Variants in ZFPM1 observed in about 807,000 individuals in gnomAD.
ZFPM1 encodes zinc finger protein, FOG family member 1, also known as zinc finger protein ZFPM1.
A neutral mutation model predicts 46.3 loss-of-function variants in ZFPM1; 28 were observed. The observed-to-expected ratio is 0.60, with a 90% CI of 0.45 to 0.83. The LOEUF is 0.83. Among genes scored for constraint, ZFPM1 ranks in the 40% least tolerant of loss-of-function variants. The probability of loss-of-function intolerance (pLI) is 0.00; values close to 1 mark genes in which losing one functional copy is unlikely to be tolerated. For synonymous variants in ZFPM1, 957 were observed against 675.9 expected (o/e 1.42, Z -6.45); for missense variants, 1,878 against 1,432.4 (o/e 1.31, Z -5.02).
intron 3 of ZFPM1, among the ~76,000 whole-genome samples, chr16:88,494,904 G>A (rs1909848703): frequency 6.6e-6 from 1 of 152,206 alleles, no homozygotes; most frequent in South Asian, 2.1e-4. Context: ...CGAAGGGAAG[G>A]ATGGGCGGCA....
Position 88,514,409 on chromosome 16 carries a change from G to T in ZFPM1, c.291G>T (p.Gln97His). The T allele has an allele frequency of 6.4e-7, 1 of 1,564,132 alleles. No individual in the cohort carries two copies. The highest frequency in any genetic ancestry group is 8.7e-7 in the Non-Finnish European group (1 of 1,154,832). The change falls in exon 4 of 10, where the codon CAG becomes CAT. Residue 97 changes from glutamine (Q) to histidine (H), a missense_variant. Coordinates refer to ENST00000319555, the MANE Select transcript of ZFPM1 (RefSeq NM_153813.3). ...SGPDELEPVV[Q>H]DGQRRIRARL... is the part of the protein sequence containing the mutation. ...CAGACGAGCTGGAGCCGGTGGTGCA[G>T]GATGGGCAGAGGCGCATACGGGCCC...
intron 1 of ZFPM1, among the ~76,000 whole-genome samples, chr16:88,461,214 CGGGAGGCCTGGTG>C (rs1907864000): frequency 2.2e-5 from 1 of 46,494 alleles, no homozygotes; most frequent in Non-Finnish European, 3.9e-5. Flanking sequence ...GACCCAGGGG[CGGGAGGCCTGGTG>C]AGGACCCAGG....
At chr16:88,524,130 G>GC (rs1567551955) in intron 4 of ZFPM1, among the ~76,000 whole-genome samples, 1 of 152,198 alleles carries the variant, frequency 6.6e-6, no homozygotes, top group Non-Finnish European at 1.5e-5. Context: ...TATCGTTACC[G>GC]CAGCACCCAT....
At chr16:88,532,492 A>G (rs1912868997) in intron 7 of ZFPM1, 122 bp from the exon 8 acceptor site, 2 of 1,061,366 alleles carry the variant, frequency 1.9e-6, no homozygotes, top group Non-Finnish European at 2.7e-6. Context: ...AGGGGTTTAA[A>G]GACCCTTCAG....
rs1361194114 is a variant in ZFPM1, at chr16:88,534,772, C to A, written c.2814C>A (p.Ala938=). Residue 938 remains alanine, a synonymous_variant, in exon 10 of 10, where the codon GCC becomes GCA. Transcript: ENST00000319555. ...CCGGCCCGCCCCCGTCCCCGGCCGCCGCGCCCGAGGCCGTGCCGCCCCCGC... is the reference window on the plus strand; with the variant it reads ...CCGGCCCGCCCCCGTCCCCGGCCGCAGCGCCCGAGGCCGTGCCGCCCCCGC... ...PPPGPPPSPA[A]APEAVPPPPA... 1.7e-6 allele frequency: 2 copies of A among 1,189,822 alleles called. No individual in the cohort carries two copies. Among genetic ancestry groups the A allele is most frequent in the Non-Finnish European group, 2.1e-6 (2 of 959,870 alleles). The allele number at this position is 1,189,822 out of a possible 1,614,324, so 73.7% of individuals were successfully genotyped here.
chr16:88,502,674 G>A (rs1910434369), intron 3 of ZFPM1, among the ~76,000 whole-genome samples: 1 of 152,238 alleles, frequency 6.6e-6, no homozygotes, highest in African/African-American at 2.4e-5. Flanking sequence ...GGCTGCCCCA[G>A]CGCCAGCAGC....
chr16:88,472,789 C>G (rs1399345676), intron 1 of ZFPM1, among the ~76,000 whole-genome samples: 1 of 152,270 alleles, frequency 6.6e-6, no homozygotes, highest in Non-Finnish European at 1.5e-5. Flanking sequence ...CCACGCCCTC[C>G]CGGCACAGGC....
At chr16:88,490,170 C>G (rs547405310) in intron 3 of ZFPM1, among the ~76,000 whole-genome samples, 1 of 152,210 alleles carries the variant, frequency 6.6e-6, no homozygotes, top group South Asian at 2.1e-4. Context: ...TCTCCTGCCT[C>G]AGCCTCCCGA....
chr16:88,506,589 G>A (rs1424422665), intron 3 of ZFPM1, among the ~76,000 whole-genome samples: 4 of 152,184 alleles, frequency 2.6e-5, no homozygotes, highest in Non-Finnish European at 5.9e-5. Flanking sequence ...CAGCTCTGAG[G>A]AGCAGAGCCA....
chr16:88,469,060 C>G lies in ZFPM1; in HGVS notation c.40+15382C>G, dbSNP rs930813378. 29 of 154,362 alleles carry G rather than the reference C, an allele frequency of 1.9e-4. No homozygotes were observed. The highest frequency in any genetic ancestry group is 6.7e-4 in the African/African-American group (28 of 41,652). 9.6% of individuals were successfully genotyped at this position (154,362 alleles called of 1,614,324 possible). The stretch of plus-strand genomic sequence containing the variant: ...CAGGAGTTCCCGAGAGGAGTGCAGC[C>G]AGCAGCCACTCCCAGATGGGAACAG... On this transcript the variant is annotated intron_variant, in intron 1 of 9. Coordinates refer to ENST00000319555, the MANE Select transcript of ZFPM1 (RefSeq NM_153813.3). This position sits in a 1 kb window ranked among gnomAD's most constrained non-coding sequence, Gnocchi z 4.3.
intron 9 of ZFPM1, 45 bp from the exon 10 acceptor site, chr16:88,533,103 G>A: frequency 2.1e-6 from 3 of 1,436,608 alleles, no homozygotes; most frequent in South Asian, 1.4e-5. Context: ...GACCGGCCAG[G>A]TCCTGCCCCA....
intron 1 of ZFPM1, among the ~76,000 whole-genome samples, chr16:88,466,585 G>A (rs1326475038): frequency 6.6e-6 from 1 of 152,330 alleles, no homozygotes; most frequent in East Asian, 1.9e-4. Flanking sequence ...GCCCATCCTG[G>A]CAGTGGGAGG....
rs1427144005 is a variant in ZFPM1, at chr16:88,480,892, C to T, written c.41-5047C>T. Among the ~76,000 whole-genome samples, 4 of 152,244 alleles carry T rather than the reference C, an allele frequency of 2.6e-5. No individual in the cohort carries two copies. Among genetic ancestry groups the T allele is most frequent in the Admixed American group, 6.5e-5 (1 of 15,280 alleles). On this transcript the variant is annotated intron_variant, in intron 1 of 9. Transcript: ENST00000319555. The surrounding 1 kb of genome is among the most constrained non-coding windows in gnomAD (Gnocchi z 4.9). Reference sequence around the variant, plus strand: ...CGTTCAAAGGAGCCCCCCAGCGCCTCGCCATCAAAGCCGGGAGGGGCCACC... The same window carrying T: ...CGTTCAAAGGAGCCCCCCAGCGCCTTGCCATCAAAGCCGGGAGGGGCCACC...
chr16:88,490,128 A>G (rs1005110103), intron 3 of ZFPM1, among the ~76,000 whole-genome samples: 1 of 149,994 alleles, frequency 6.7e-6, no homozygotes, highest in Non-Finnish European at 1.5e-5. Flanking sequence ...ATCTCGGCTC[A>G]CTGCAAGCTC....
chr16:88,526,729 TCA>T, intron 4 of ZFPM1, 83 bp from the exon 5 acceptor site: 1 of 1,436,636 alleles, frequency 7.0e-7, no homozygotes, highest in Non-Finnish European at 9.5e-7. Flanking sequence ...CAGATCCGTG[TCA>T]CAGATGCCCC....
At position 88,534,829 on chromosome 16, in the gene ZFPM1, C is replaced by G. The variant is rs771131252; in HGVS notation, c.2871C>G (p.Val957=). Residue 957 remains valine (V), a synonymous_variant, in exon 10 of 10, where the codon GTC becomes GTG. Transcript: ENST00000319555. ...CCCCCTCCTACTCGGACAAGGGCGTCCAGACTCCCAGCAAGGGCACGCCGG... is the reference window on the plus strand; with the variant it reads ...CCCCCTCCTACTCGGACAAGGGCGTGCAGACTCCCAGCAAGGGCACGCCGG... ...PAPPSYSDKG[V]QTPSKGTPAP... is the part of the protein sequence containing the mutation. The G allele has an allele frequency of 2.6e-6, 4 of 1,546,460 alleles. No individual in the cohort carries two copies. The highest frequency in any genetic ancestry group is 2.6e-5 in the East Asian group (1 of 38,340).
intron 1 of ZFPM1, among the ~76,000 whole-genome samples, chr16:88,468,124 ACGCACCCG>A (rs1232649369): frequency 4.5e-5 from 5 of 110,378 alleles, no homozygotes; most frequent in Non-Finnish European, 7.2e-5. Context: ...ACCGCCCCTC[ACGCACCCG>A]CGAGCCCACT....
Position 88,497,743 on chromosome 16 carries a change from C to T in ZFPM1, c.268+8590C>T, listed in dbSNP as rs1372868741. ...TGTCCACTATTTCCTGCCTGAGGCCCACGAAGGGTCCCCCGCCCCAGGGTC... is the reference window on the plus strand; with the variant it reads ...TGTCCACTATTTCCTGCCTGAGGCCTACGAAGGGTCCCCCGCCCCAGGGTC... On this transcript the variant is annotated intron_variant, in intron 3 of 9. Coordinates refer to ENST00000319555, the MANE Select transcript of ZFPM1 (RefSeq NM_153813.3). This position sits in a 1 kb window ranked among gnomAD's most constrained non-coding sequence, Gnocchi z 5.4. Among the ~76,000 whole-genome samples, 1 of 152,116 alleles carries T rather than the reference C, an allele frequency of 6.6e-6. No homozygotes were observed. Among genetic ancestry groups the T allele is most frequent in the Non-Finnish European group, 1.5e-5 (1 of 67,998 alleles).
At position 88,497,007 on chromosome 16, in the gene ZFPM1, A is replaced by G. The variant is rs1484192550; in HGVS notation, c.268+7854A>G. 6.6e-6 allele frequency among the ~76,000 whole-genome samples: 1 copy of G among 152,130 alleles called. No individual in the cohort carries two copies. The highest frequency in any genetic ancestry group is 1.5e-5 in the Non-Finnish European group (1 of 68,004). ...GCTGCCAGGCCTGCCCCTGCCCAGG[A>G]GCCGCACACACCTGCTCCTGGCTCG... is the stretch of plus-strand genomic sequence containing the variant. On this transcript the variant is annotated intron_variant, in intron 3 of 9. Transcript: ENST00000319555. The surrounding 1 kb of genome is among the most constrained non-coding windows in gnomAD (Gnocchi z 5.4).
Sources: allele counts gnomAD v4.1 joint callset (sites outside exome capture counted in the v4.1 genomes callset), GRCh38; gene constraint gnomAD v4.1.1; non-coding constraint Gnocchi (gnomAD v3.1); transcripts MANE v1.5; gene names NCBI Gene and HGNC (gene_info 2026-07-23, HGNC 2026-07-21).